Variants in PARD3 observed in about 807,000 individuals in gnomAD.
PARD3 encodes the protein partitioning defective 3 homolog.
Under a neutral mutation model 155.4 loss-of-function variants are expected in PARD3, and 75 were observed. The ratio of observed to expected loss-of-function variants is 0.48; its 90% confidence interval spans 0.40 to 0.58. The LOEUF is 0.58. PARD3 is among the 20% of genes least tolerant of loss of function. The probability of loss-of-function intolerance (pLI) is 0.00; values close to 1 mark genes in which losing one functional copy is unlikely to be tolerated. For missense variants in PARD3, 1,642 were observed against 1,721.7 expected, an observed-to-expected ratio of 0.95 and a Z score of 0.82; for synonymous variants, 576 against 610.5, an observed-to-expected ratio of 0.94 and a Z score of 0.83.
intron 2 of PARD3, among the ~76,000 whole-genome samples, chr10:34,593,044 T>C (rs1406938723): frequency 6.6e-6 from 1 of 152,184 alleles, no homozygotes; most frequent in African/African-American, 2.4e-5. Flanking sequence ...ATTGTTAAGC[T>C]GTAACATTGT....
intron 21 of PARD3, among the ~76,000 whole-genome samples, chr10:34,278,527 G>A (rs1955997318): frequency 6.6e-6 from 1 of 152,108 alleles, no homozygotes; most frequent in African/African-American, 2.4e-5. Flanking sequence ...GGAGATAATT[G>A]AATCATGGGG....
At chr10:34,127,037 T>C (rs546747151) in intron 23 of PARD3, among the ~76,000 whole-genome samples, 1 of 152,308 alleles carries the variant, frequency 6.6e-6, no homozygotes, top group East Asian at 1.9e-4. Flanking sequence ...TGTACAAGAT[T>C]TTTTCAAACA....
chr10:34,579,018 A>G (rs939896945), intron 2 of PARD3, among the ~76,000 whole-genome samples: 10 of 152,210 alleles, frequency 6.6e-5, no homozygotes, highest in Admixed American at 5.9e-4. Context: ...CATTCCTGTA[A>G]TCCCAGCACT....
At chr10:34,404,800 C>T (rs1844265450) in intron 5 of PARD3, among the ~76,000 whole-genome samples, 1 of 151,994 alleles carries the variant, frequency 6.6e-6, no homozygotes, top group African/African-American at 2.4e-5. Flanking sequence ...AAACATCTTC[C>T]TTGGCTGGGC....
At chr10:34,322,542 T>C (rs1958443422) in intron 19 of PARD3, among the ~76,000 whole-genome samples, 1 of 152,224 alleles carries the variant, frequency 6.6e-6, no homozygotes, top group Non-Finnish European at 1.5e-5. Context: ...CTTAAGTGTA[T>C]AATTTAGCAG....
intron 2 of PARD3, among the ~76,000 whole-genome samples, chr10:34,524,585 C>T (rs940467636): frequency 2.0e-5 from 3 of 152,164 alleles, no homozygotes. Flanking sequence ...TATGCAAATT[C>T]GTATAGCCAT....
chr10:34,207,906 G>A (rs1951555222), intron 22 of PARD3, among the ~76,000 whole-genome samples: 1 of 152,132 alleles, frequency 6.6e-6, no homozygotes, highest in South Asian at 2.1e-4. Flanking sequence ...TCAGAAAATA[G>A]ACATTTTTCT....
intron 22 of PARD3, among the ~76,000 whole-genome samples, chr10:34,261,821 G>T (rs375504307): frequency 9.7e-6 from 1 of 102,804 alleles, no homozygotes; most frequent in Admixed American, 9.5e-5. Flanking sequence ...AAGAAAGAAA[G>T]AAAGAAACAA....
chr10:34,597,282 T>C (rs181196742), intron 2 of PARD3, among the ~76,000 whole-genome samples: 21 of 151,926 alleles, frequency 1.4e-4, no homozygotes, highest in African/African-American at 5.1e-4. Context: ...AGCGCTTTTT[T>C]TTGTTTTTGT....
At chr10:34,157,113 G>A (rs762022965) in intron 22 of PARD3, among the ~76,000 whole-genome samples, 2 of 152,184 alleles carry the variant, frequency 1.3e-5, no homozygotes, top group Non-Finnish European at 2.9e-5. Context: ...CTCAGCAAAC[G>A]TACAAAAGAA....
At chr10:34,168,587 G>C (rs779032387) in intron 22 of PARD3, among the ~76,000 whole-genome samples, 43 of 152,098 alleles carry the variant, frequency 2.8e-4, no homozygotes, top group Non-Finnish European at 2.9e-4. Flanking sequence ...TCATTGGGAG[G>C]GCGAGGAGCT....
intron 4 of PARD3, among the ~76,000 whole-genome samples, chr10:34,451,633 G>A (rs989974007): frequency 2.0e-5 from 3 of 151,880 alleles, no homozygotes; most frequent in Non-Finnish European, 4.4e-5. Context: ...GTAAATATTG[G>A]GACATATGTT....
chr10:34,434,261 T>C (rs1235715275), intron 5 of PARD3, among the ~76,000 whole-genome samples: 1 of 152,176 alleles, frequency 6.6e-6, no homozygotes, highest in Non-Finnish European at 1.5e-5. Flanking sequence ...GCGATCCACA[T>C]GGTGAAGGAA....
chr10:34,377,888 G>A, intron 10 of PARD3, 79 bp downstream of exon 10: 1 of 1,147,772 alleles, frequency 8.7e-7, no homozygotes, highest in Non-Finnish European at 1.2e-6. Flanking sequence ...CATATTTTAT[G>A]AAAATGTTTT....
intron 22 of PARD3, among the ~76,000 whole-genome samples, chr10:34,149,929 T>C (rs1003149436): frequency 8.5e-5 from 13 of 152,234 alleles, no homozygotes; most frequent in African/African-American, 3.1e-4. Context: ...ATCAATTTTG[T>C]AATGTTCTTT....
intron 15 of PARD3, among the ~76,000 whole-genome samples, chr10:34,342,234 G>C (rs145858263): frequency 6.6e-6 from 1 of 152,236 alleles, no homozygotes; most frequent in Non-Finnish European, 1.5e-5. Flanking sequence ...TGCAGAGCAG[G>C]TACTGCAAGA....
At chr10:34,756,954 A>C (rs898536326) in intron 1 of PARD3, among the ~76,000 whole-genome samples, 3 of 152,216 alleles carry the variant, frequency 2.0e-5, no homozygotes, top group African/African-American at 7.2e-5. Context: ...TTTAGACTCA[A>C]ATCACCAAAA....
intron 2 of PARD3, among the ~76,000 whole-genome samples, chr10:34,657,134 C>T (rs1231346286): frequency 6.6e-6 from 1 of 151,834 alleles, no homozygotes; most frequent in South Asian, 2.1e-4. Context: ...CAGCTGGGCA[C>T]GATGGCTCAT....
intron 22 of PARD3, among the ~76,000 whole-genome samples, chr10:34,254,630 C>T (rs1045227656): frequency 5.3e-5 from 8 of 151,966 alleles, no homozygotes; most frequent in Non-Finnish European, 1.0e-4. Context: ...AGCTCAAGCA[C>T]ATCACCCCTT....
Sources: allele counts gnomAD v4.1 joint callset (sites outside exome capture counted in the v4.1 genomes callset), GRCh38; gene constraint gnomAD v4.1.1; transcripts MANE v1.5; gene names NCBI Gene and HGNC (gene_info 2026-07-23, HGNC 2026-07-21).